Variants in MAPK10 observed in about 807,000 individuals in gnomAD.
MAPK10 encodes mitogen-activated protein kinase 10.
A neutral mutation model predicts 59.3 loss-of-function variants in MAPK10; 25 were observed. The observed-to-expected ratio is 0.42, with a 90% CI of 0.31 to 0.59. The LOEUF (loss-of-function observed/expected upper bound fraction) is 0.59, where lower values mean the gene tolerates loss of function less well. MAPK10 is among the 20% of genes least tolerant of loss of function. The probability of loss-of-function intolerance (pLI) is 0.15; values close to 1 mark genes in which losing one functional copy is unlikely to be tolerated. For synonymous variants in MAPK10, 190 were observed against 200.5 expected (o/e 0.95, Z 0.44); for missense variants, 351 against 568.9 (o/e 0.62, Z 3.90).
intron 1 of MAPK10, among the ~76,000 whole-genome samples, chr4:86,436,831 T>C (rs1748781172): frequency 6.6e-6 from 1 of 152,110 alleles, no homozygotes; most frequent in Non-Finnish European, 1.5e-5. Flanking sequence ...GGACCTCACA[T>C]AAAAAAATTA....
At chr4:86,087,930 A>T (rs1171019083) in intron 9 of MAPK10, among the ~76,000 whole-genome samples, 1 of 152,152 alleles carries the variant, frequency 6.6e-6, no homozygotes, top group Non-Finnish European at 1.5e-5. Flanking sequence ...GTATGGATGC[A>T]CTATATTAGT....
intron 9 of MAPK10, among the ~76,000 whole-genome samples, chr4:86,083,046 T>A (rs2050993169): frequency 6.6e-6 from 1 of 152,172 alleles, no homozygotes; most frequent in Admixed American, 6.5e-5. Flanking sequence ...GTGTTAAACC[T>A]TTTTAGGCCC....
chr4:86,118,973 A>G (rs1198284220), intron 4 of MAPK10, among the ~76,000 whole-genome samples: 1 of 152,158 alleles, frequency 6.6e-6, no homozygotes, highest in Admixed American at 6.5e-5. Context: ...GGCTAACCCC[A>G]TTTGTGATTC....
At chr4:86,101,776 T>C in intron 7 of MAPK10, 118 bp downstream of exon 7, 1 of 972,452 alleles carries the variant, frequency 1.0e-6, no homozygotes, top group Non-Finnish European at 1.5e-6. Flanking sequence ...AATTCTAGTA[T>C]CAAAGAAATG....
chr4:86,503,239 G>T (rs1755463286), intron 1 of MAPK10, among the ~76,000 whole-genome samples: 1 of 151,978 alleles, frequency 6.6e-6, no homozygotes. Flanking sequence ...AGACTCTTTT[G>T]TCTCTGGCTC....
intron 13 of MAPK10, chr4:86,020,953 C>T (rs905611772): frequency 2.0e-5 from 3 of 152,218 alleles, no homozygotes; most frequent in Non-Finnish European, 4.4e-5. Flanking sequence ...TGCTTTTATT[C>T]TCTTATCTGG....
chr4:86,219,797 T>C (rs1344250407), intron 2 of MAPK10: 1 of 152,166 alleles, frequency 6.6e-6, no homozygotes, highest in African/African-American at 2.4e-5. Flanking sequence ...TATTCTTACA[T>C]TCAAGTTGCT....
chr4:86,131,638 T>C (rs572825891), intron 4 of MAPK10, among the ~76,000 whole-genome samples: 40 of 152,330 alleles, frequency 2.6e-4, no homozygotes, highest in African/African-American at 9.1e-4. Flanking sequence ...CAGCATGTTG[T>C]GCCAAGAATG....
Position 86,013,894 on chromosome 4 carries a change from C to T in MAPK10, c.*3334G>A, listed in dbSNP as rs1286452950. The T allele has an allele frequency of 6.6e-6, 1 of 152,158 alleles. No individual in the cohort carries two copies. Among genetic ancestry groups the T allele is most frequent in the Non-Finnish European group, 1.5e-5 (1 of 68,032 alleles). The allele number at this position is 152,158 out of a possible 1,614,324, so 9.4% of individuals were successfully genotyped here. A position where few individuals can be genotyped will look rare whatever the true frequency, so the allele number is the denominator to read the frequency against. On this transcript the variant is annotated 3_prime_UTR_variant, in exon 14 of 14. Transcript: ENST00000641462. ...AAGGTTATTATCAGTTTTTATTCCA[C>T]AAGAAGAAATTCCGTTGTAAGGCTA... is the stretch of plus-strand genomic sequence containing the variant.
intron 2 of MAPK10, chr4:86,326,875 C>T (rs2096034801): frequency 6.6e-6 from 1 of 152,180 alleles, no homozygotes; most frequent in Admixed American, 6.6e-5. Flanking sequence ...CAACCTTGTT[C>T]CTTGTTATAT....
intron 1 of MAPK10, among the ~76,000 whole-genome samples, chr4:86,479,636 C>T (rs191616492): frequency 3.0e-4 from 46 of 152,216 alleles, no homozygotes; most frequent in East Asian, 1.2e-3. Context: ...ATCCCCAAAC[C>T]GCCACTCTTA....
intron 1 of MAPK10, among the ~76,000 whole-genome samples, chr4:86,547,068 A>C (rs903071426): frequency 2.6e-5 from 4 of 152,198 alleles, no homozygotes; most frequent in Non-Finnish European, 5.9e-5. Context: ...AACAAAAAAA[A>C]AGTGCTAAAG....
At chr4:86,106,286 G>A (rs968104793) in intron 5 of MAPK10, among the ~76,000 whole-genome samples, 13 of 151,950 alleles carry the variant, frequency 8.6e-5, no homozygotes, top group South Asian at 2.1e-4. Flanking sequence ...TTATAAAACC[G>A]CACTGGTAAT....
chr4:86,402,837 T>C (rs1200411562), intron 1 of MAPK10, among the ~76,000 whole-genome samples: 1 of 152,162 alleles, frequency 6.6e-6, no homozygotes, highest in Non-Finnish European at 1.5e-5. Flanking sequence ...TTAGCATCTC[T>C]GTCAGTCAGC....
chr4:86,051,514 G>A (rs151129862), intron 11 of MAPK10, among the ~76,000 whole-genome samples: 1,952 of 152,282 alleles, frequency 0.013, 24 homozygotes, highest in Non-Finnish European at 0.019. Flanking sequence ...ATGTAGAGTT[G>A]TGATGACATT....
chr4:86,345,306 G>C (rs922978543), intron 2 of MAPK10, among the ~76,000 whole-genome samples: 10 of 152,074 alleles, frequency 6.6e-5, no homozygotes, highest in Non-Finnish European at 1.5e-4. Flanking sequence ...AATTCAATCT[G>C]TGTGCAACTT....
chr4:86,497,435 C>G (rs957748000), intron 1 of MAPK10, among the ~76,000 whole-genome samples: 1 of 152,170 alleles, frequency 6.6e-6, no homozygotes, highest in Admixed American at 6.5e-5. Context: ...AGAGCACACA[C>G]TACACTGCAG....
chr4:86,165,279 C>T (rs541294697), intron 3 of MAPK10, among the ~76,000 whole-genome samples: 1 of 152,274 alleles, frequency 6.6e-6, no homozygotes, highest in Admixed American at 6.5e-5. Context: ...CATTGTTGTG[C>T]AAAGTCAGCC....
chr4:86,498,176 C>A (rs1029255132), intron 1 of MAPK10, among the ~76,000 whole-genome samples: 1 of 152,184 alleles, frequency 6.6e-6, no homozygotes, highest in African/African-American at 2.4e-5. Flanking sequence ...CTTCGACTCT[C>A]AAAAGTGTCT....
Sources: gnomAD v4.1 joint callset for allele counts (sites outside exome capture counted in the v4.1 genomes callset) on GRCh38, gnomAD v4.1.1 for gene constraint, MANE v1.5 for transcripts, NCBI Gene and HGNC (gene_info 2026-07-23, HGNC 2026-07-21) for gene names.